CA10: variants seen among roughly 807,000 people sequenced by gnomAD.
The protein encoded by CA10 is carbonic anhydrase 10 (inactive).
CA10 carries 14 observed loss-of-function variants against 44.2 expected under a neutral mutation model. The observed-to-expected ratio is 0.32, with a 90% CI of 0.21 to 0.50. CA10 has a LOEUF of 0.50. Ranked by LOEUF, CA10 falls within the 20% of genes least tolerant of loss-of-function variation. The pLI, the probability that CA10 is intolerant of heterozygous loss-of-function variation, is 0.99. For missense variants in CA10, 350 were observed against 409.7 expected (o/e 0.85, Z 1.26); for synonymous variants, 159 against 141.6 (o/e 1.12, Z -0.87).
At chr17:51,831,689 A>AGCG (rs1908262738) in intron 3 of CA10, among the ~76,000 whole-genome samples, 1 of 78,628 alleles carries the variant, frequency 1.3e-5, no homozygotes, top group Non-Finnish European at 3.0e-5. Flanking sequence ...CAGCAGCAGC[A>AGCG]GCAGCAGCAG....
intron 2 of CA10, among the ~76,000 whole-genome samples, chr17:52,006,210 A>G (rs911732342): frequency 4.6e-5 from 7 of 151,872 alleles, no homozygotes; most frequent in Admixed American, 4.6e-4. Context: ...TTCCTACAGA[A>G]GGAAGTATGA....
chr17:52,053,326 AATAG>A lies in CA10; in HGVS notation c.136+18989_136+18992del, dbSNP rs1261816161. On this transcript the variant is annotated intron_variant, in intron 2 of 8. Transcript: ENST00000451037. Reference sequence around the variant, plus strand: ...GAGCTCTTTGTTTAAAACAGGAACAAATAGATAAACATAACCAGACATCTGAGGG... The same window carrying A: ...GAGCTCTTTGTTTAAAACAGGAACAAATAAACATAACCAGACATCTGAGGG... Among the ~76,000 whole-genome samples the A allele has an allele frequency of 4.6e-5, 7 of 152,216 alleles. 1 individual carries two copies. Among genetic ancestry groups the A allele is most frequent in the Admixed American group, 2.6e-4 (4 of 15,276 alleles).
intron 2 of CA10, among the ~76,000 whole-genome samples, chr17:52,067,454 G>A (rs1987567952): frequency 6.6e-6 from 1 of 152,218 alleles, no homozygotes; most frequent in Admixed American, 6.5e-5. Context: ...TTGCTGCAGT[G>A]GGGAGCCCTC....
chr17:52,065,527 T>C (rs528408046), intron 2 of CA10, among the ~76,000 whole-genome samples: 1 of 152,264 alleles, frequency 6.6e-6, no homozygotes, highest in African/African-American at 2.4e-5. Context: ...GGTCCCTAAC[T>C]CTAGAAGCTG....
intron 4 of CA10, among the ~76,000 whole-genome samples, chr17:51,655,593 C>G (rs544764876): frequency 1.3e-5 from 2 of 152,232 alleles, no homozygotes; most frequent in Non-Finnish European, 2.9e-5. Context: ...CTGTGCCTGT[C>G]TATGCCTTCT....
chr17:51,808,040 G>A (rs1293259005), intron 3 of CA10, among the ~76,000 whole-genome samples: 2 of 152,184 alleles, frequency 1.3e-5, no homozygotes, highest in African/African-American at 4.8e-5. Flanking sequence ...AGTTTCCACT[G>A]TCATATCCCA....
intron 2 of CA10, among the ~76,000 whole-genome samples, chr17:52,002,542 G>A (rs1246497069): frequency 3.9e-5 from 6 of 152,106 alleles, no homozygotes; most frequent in African/African-American, 1.4e-4. Flanking sequence ...TGAGACTTCA[G>A]GGGGTTCTTT....
chr17:51,750,715 C>T (rs866979649), intron 3 of CA10, among the ~76,000 whole-genome samples: 3 of 152,340 alleles, frequency 2.0e-5, no homozygotes, highest in Middle Eastern at 3.4e-3. Context: ...ACATTAAGCA[C>T]AGAACCATGG....
chr17:51,632,976 G>A (rs1380479072), intron 8 of CA10, among the ~76,000 whole-genome samples: 3 of 152,136 alleles, frequency 2.0e-5, no homozygotes, highest in Non-Finnish European at 2.9e-5. Flanking sequence ...CTGCCCTTTA[G>A]AGTATTTGTT....
chr17:51,871,261 C>G (rs191001567), intron 3 of CA10, among the ~76,000 whole-genome samples: 1 of 150,828 alleles, frequency 6.6e-6, no homozygotes, highest in African/African-American at 2.4e-5. Flanking sequence ...GATGGAGTTT[C>G]GCTCTTGTTG....
intron 3 of CA10, among the ~76,000 whole-genome samples, chr17:51,883,250 T>C (rs997786323): frequency 1.3e-5 from 2 of 152,142 alleles, no homozygotes; most frequent in Admixed American, 1.3e-4. Context: ...ATTTTCTTTC[T>C]CTCTTCTAAT....
intron 2 of CA10, among the ~76,000 whole-genome samples, chr17:52,039,761 C>G (rs1986718618): frequency 6.6e-6 from 1 of 151,842 alleles, no homozygotes; most frequent in South Asian, 2.1e-4. Flanking sequence ...AGAGTTTGTC[C>G]AAAGAATAAT....
At chr17:52,039,786 G>C (rs1986719238) in intron 2 of CA10, among the ~76,000 whole-genome samples, 2 of 152,132 alleles carry the variant, frequency 1.3e-5, no homozygotes, top group Admixed American at 1.3e-4. Flanking sequence ...AGTACATTAA[G>C]AGGGTCTGAA....
chr17:51,952,483 C>T lies in CA10; in HGVS notation c.137-21351G>A, dbSNP rs527898468. 7.9e-5 allele frequency among the ~76,000 whole-genome samples: 12 copies of T among 151,888 alleles called. No homozygotes were observed. In the South Asian group the frequency reaches 1.5e-3, roughly 18 times the overall value. ...GATCACTTGAGCCCAGGAGTTCAAGCGTTCAAGGCTGCAATAAGCCAGTAT... is the reference window on the plus strand; with the variant it reads ...GATCACTTGAGCCCAGGAGTTCAAGTGTTCAAGGCTGCAATAAGCCAGTAT... On this transcript the variant is annotated intron_variant, in intron 2 of 8. Transcript: ENST00000451037.
At chr17:51,804,544 C>T (rs887607308) in intron 3 of CA10, among the ~76,000 whole-genome samples, 2 of 152,160 alleles carry the variant, frequency 1.3e-5, no homozygotes, top group Non-Finnish European at 2.9e-5. Flanking sequence ...TTTTGTTTTC[C>T]CCTTATTGAA....
At chr17:52,056,497 A>G (rs1431747956) in intron 2 of CA10, among the ~76,000 whole-genome samples, 1 of 152,070 alleles carries the variant, frequency 6.6e-6, no homozygotes, top group Non-Finnish European at 1.5e-5. Context: ...TCAAAGTAAG[A>G]GCATCCCATG....
intron 1 of CA10, among the ~76,000 whole-genome samples, chr17:52,150,145 G>C (rs981683961): frequency 6.6e-6 from 1 of 151,994 alleles, no homozygotes; most frequent in Non-Finnish European, 1.5e-5. Context: ...TGCAAATGCT[G>C]TTTCATATGA....
chr17:51,691,784 T>C (rs1334578878), intron 4 of CA10, among the ~76,000 whole-genome samples: 2 of 152,218 alleles, frequency 1.3e-5, no homozygotes, highest in Non-Finnish European at 2.9e-5. Flanking sequence ...TTCTTTTACA[T>C]GTGACTATCC....
At chr17:52,105,786 G>GTA (rs1238597216) in intron 1 of CA10, among the ~76,000 whole-genome samples, 1 of 152,196 alleles carries the variant, frequency 6.6e-6, no homozygotes, top group African/African-American at 2.4e-5. Context: ...ATGTGTGTGT[G>GTA]TATATGAGAC....
Sources: gnomAD v4.1 joint callset for allele counts (sites outside exome capture counted in the v4.1 genomes callset) on GRCh38, gnomAD v4.1.1 for gene constraint, MANE v1.5 for transcripts, NCBI Gene and HGNC (gene_info 2026-07-23, HGNC 2026-07-21) for gene names.